The following EEF2K variants were observed in gnomAD, a reference collection of about 807,000 sequenced individuals.
EEF2K encodes the protein eukaryotic elongation factor 2 kinase.
In EEF2K, 70 loss-of-function variants were observed where a neutral mutation model predicts 93.8. The ratio of observed to expected loss-of-function variants is 0.75; its 90% CI spans 0.62 to 0.91. The LOEUF is 0.91. Among genes scored for constraint, EEF2K ranks in the 40% least tolerant of loss-of-function variants. The pLI is 0.00. For synonymous variants in EEF2K, 376 were observed against 380.8 expected, an observed-to-expected ratio of 0.99 and a Z score of 0.15; for missense variants, 935 against 972.9, an observed-to-expected ratio of 0.96 and a Z score of 0.52.
chr16:22,262,544 G>A (rs966152253), intron 11 of EEF2K, among the ~76,000 whole-genome samples: 17 of 152,024 alleles, frequency 1.1e-4, no homozygotes, highest in Non-Finnish European at 2.9e-5. Context: ...TTTGGTTGAG[G>A]GCTTATTTGT....
chr16:22,234,133 T>G (rs1177386442), intron 2 of EEF2K, among the ~76,000 whole-genome samples: 1 of 152,182 alleles, frequency 6.6e-6, no homozygotes, highest in Non-Finnish European at 1.5e-5. Flanking sequence ...TTTGTGTGTT[T>G]AAACTGGGAT....
intron 2 of EEF2K, among the ~76,000 whole-genome samples, chr16:22,244,157 A>C (rs1567272695): frequency 6.6e-6 from 1 of 151,302 alleles, no homozygotes; most frequent in Non-Finnish European, 1.5e-5. Flanking sequence ...TGAACCCGGG[A>C]GGTGGAGGTT....
At chr16:22,280,520 A>T (rs1488125540) in intron 17 of EEF2K, 144 bp downstream of exon 17, 1 of 1,000,804 alleles carries the variant, frequency 1.0e-6, no homozygotes, top group Non-Finnish European at 1.3e-6. Context: ...TAGTATGAAG[A>T]TGAACATTGT....
At chr16:22,217,160 C>CAAAA (rs59262131) in intron 1 of EEF2K, among the ~76,000 whole-genome samples, 6 of 76,464 alleles carry the variant, frequency 7.8e-5, no homozygotes, top group South Asian at 4.7e-4. Context: ...GACCCTGTCT[C>CAAAA]AAAAAAAAAA....
Position 22,229,677 on chromosome 16 carries a change from G to A in EEF2K, c.246+3702G>A, listed in dbSNP as rs369186642. On this transcript the variant is annotated intron_variant, in intron 2 of 17. Coordinates refer to ENST00000263026, the MANE Select transcript of EEF2K (RefSeq NM_013302.5). ...GATTGTGCCACTGCACTCCAGCCTG[G>A]GTGACAGAGCGAGACTCCATCTCAA... 3.5e-3 allele frequency among the ~76,000 whole-genome samples: 529 copies of A among 152,268 alleles called. 5 individuals are homozygous for A. Among genetic ancestry groups the A allele is most frequent in the South Asian group, 0.02 (97 of 4,826 alleles).
intron 1 of EEF2K, among the ~76,000 whole-genome samples, chr16:22,211,608 G>A (rs1423038602): frequency 6.6e-6 from 1 of 151,948 alleles, no homozygotes; most frequent in Non-Finnish European, 1.5e-5. Context: ...TATACAGGTC[G>A]TGTGCCACCA....
chr16:22,269,602 A>G (rs943269316), intron 15 of EEF2K, among the ~76,000 whole-genome samples: 2 of 151,900 alleles, frequency 1.3e-5, no homozygotes, highest in African/African-American at 4.8e-5. Context: ...GGGTTTCACC[A>G]TGTTGGCCAG....
chr16:22,236,507 A>G (rs1198738159), intron 2 of EEF2K, among the ~76,000 whole-genome samples: 3 of 152,076 alleles, frequency 2.0e-5, no homozygotes, highest in East Asian at 3.9e-4. Flanking sequence ...TGTATTTCAT[A>G]AAGTCTGCAG....
rs555512534 is a variant in EEF2K, at chr16:22,287,348, T to C, written c.*3352T>C. The C allele has an allele frequency of 5.0e-4, 76 of 152,366 alleles. 1 individual carries two copies. Among genetic ancestry groups the C allele is most frequent in the African/African-American group, 1.8e-3 (74 of 41,600 alleles). 9.4% of individuals were successfully genotyped at this position (152,366 alleles called of 1,614,324 possible). On this transcript the variant is annotated 3_prime_UTR_variant, in exon 18 of 18. Coordinates refer to ENST00000263026, the MANE Select transcript of EEF2K (RefSeq NM_013302.5). ...CTTCTTTTTCCGCAAATGCTGGACA[T>C]GCCAAAAACCTAACGCAAAACCCAG...
At chr16:22,231,632 ATAAAG>A (rs1236606249) in intron 2 of EEF2K, among the ~76,000 whole-genome samples, 2 of 152,232 alleles carry the variant, frequency 1.3e-5, no homozygotes, top group South Asian at 4.2e-4. Flanking sequence ...GTTAAGAAAA[ATAAAG>A]TAAAATAACC....
chr16:22,283,723 C>A (rs890348763), intron 17 of EEF2K, among the ~76,000 whole-genome samples, 164 bp from the exon 18 acceptor site: 1 of 152,114 alleles, frequency 6.6e-6, no homozygotes, highest in Non-Finnish European at 1.5e-5. Context: ...ACAGGCCCAC[C>A]TTTAGAGCCC....
chr16:22,274,398 C>T (rs867484150), intron 16 of EEF2K, among the ~76,000 whole-genome samples: 3 of 147,588 alleles, frequency 2.0e-5, no homozygotes, highest in South Asian at 2.1e-4. Flanking sequence ...GAGCCAAGAT[C>T]GAGTCACTGC....
At chr16:22,254,270 G>C (rs907534815) in intron 6 of EEF2K, among the ~76,000 whole-genome samples, 3 of 152,192 alleles carry the variant, frequency 2.0e-5, no homozygotes, top group African/African-American at 7.2e-5. Context: ...TGGCCCTGCT[G>C]TAAGTTTCCT....
intron 1 of EEF2K, among the ~76,000 whole-genome samples, chr16:22,214,347 C>T (rs530439058): frequency 1.3e-5 from 2 of 151,718 alleles, no homozygotes; most frequent in South Asian, 4.2e-4. Context: ...AGTTCAGAGG[C>T]AAGAGGATCA....
At chr16:22,228,991 C>A (rs2047090232) in intron 2 of EEF2K, among the ~76,000 whole-genome samples, 1 of 151,920 alleles carries the variant, frequency 6.6e-6, no homozygotes, top group Admixed American at 6.6e-5. Context: ...ATTTTATTTT[C>A]CTTCCACAAT....
At chr16:22,242,340 G>T (rs938075206) in intron 2 of EEF2K, among the ~76,000 whole-genome samples, 1 of 151,686 alleles carries the variant, frequency 6.6e-6, no homozygotes, top group African/African-American at 2.4e-5. Flanking sequence ...CTTTTTTTTG[G>T]GTACAGAGTC....
At chr16:22,242,108 C>A (rs577884273) in intron 2 of EEF2K, among the ~76,000 whole-genome samples, 1 of 152,100 alleles carries the variant, frequency 6.6e-6, no homozygotes, top group African/African-American at 2.4e-5. Flanking sequence ...CACACTACCA[C>A]CACGTAGCCT....
intron 15 of EEF2K, among the ~76,000 whole-genome samples, chr16:22,271,821 C>T (rs1486734875): frequency 6.6e-6 from 1 of 152,192 alleles, no homozygotes; most frequent in East Asian, 1.9e-4. Context: ...CAAACTCTTA[C>T]ACCCATAGCC....
At chr16:22,257,618 C>G in intron 8 of EEF2K, 25 bp from the exon 9 acceptor site, 2 of 1,609,758 alleles carry the variant, frequency 1.2e-6, no homozygotes, top group Non-Finnish European at 1.7e-6. Flanking sequence ...AAGCAACACT[C>G]CAGACACCCC....
Sources: allele counts gnomAD v4.1 joint callset (sites outside exome capture counted in the v4.1 genomes callset), GRCh38; gene constraint gnomAD v4.1.1; transcripts MANE v1.5; gene names NCBI Gene and HGNC (gene_info 2026-07-23, HGNC 2026-07-21).